The following RBMX2 variants were observed in gnomAD, a reference collection of about 807,000 sequenced individuals.
RBMX2 encodes RNA binding motif protein X-linked 2.
For missense variants in RBMX2, 191 were observed against 256.0 expected (o/e 0.75, Z 1.73); for synonymous variants, 77 against 94.3 (o/e 0.82, Z 1.07).
At position 130,413,551 on chromosome X, in the gene RBMX2, A is replaced by G. The variant is rs1405760809; in HGVS notation, c.*703A>G. ...AATGAAACCCTGTAGCCATTAAACA[A>G]GAGCTCCCCGTTTCCTCCCTCCTCC... On this transcript the variant is annotated 3_prime_UTR_variant, in exon 6 of 6. Transcript: ENST00000305536. Among the ~76,000 whole-genome samples the G allele has an allele frequency of 9.1e-6, 1 of 110,283 alleles. No homozygotes were observed. The highest frequency in any genetic ancestry group is 1.9e-5 in the Non-Finnish European group (1 of 52,866).
Position 130,411,223 on chromosome X carries a change from T to G in RBMX2, c.304-125T>G, listed in dbSNP as rs73634093. On this transcript the variant is annotated intron_variant, in intron 4 of 5. Coordinates refer to ENST00000305536, the MANE Select transcript of RBMX2 (RefSeq NM_016024.4). ...CACCAGTTGGACAGGTCTGCTTTAG[T>G]GACAGAATTTAACAAGAAGGTAAAG... 2,024 of 665,660 alleles carry G rather than the reference T, an allele frequency of 3.0e-3. 32 individuals carry two copies. The African/African-American group carries it at 0.041, about 14-fold the overall frequency. The allele number at this position is 665,660 out of a possible 1,213,427, so 54.9% of individuals were successfully genotyped here.
In RBMX2 at chrX:130,413,247, T is replaced by C; in HGVS notation, c.*399T>C. On this transcript the variant is annotated 3_prime_UTR_variant, in exon 6 of 6. Coordinates refer to ENST00000305536, the MANE Select transcript of RBMX2 (RefSeq NM_016024.4). ...GACAGCTTGATGTGAACGAATGGGA[T>C]AGGATTTTTAAAATCAGCCAGCTCC... The C allele has an allele frequency of 8.8e-6, 1 of 113,929 alleles. No individual in the cohort carries two copies. The highest frequency in any genetic ancestry group is 9.2e-5 in the Admixed American group (1 of 10,839). 9.4% of individuals were successfully genotyped at this position (113,929 alleles called of 1,213,427 possible).
intron 3 of RBMX2, among the ~76,000 whole-genome samples, chrX:130,406,963 A>G (rs1413391474): frequency 1.8e-5 from 2 of 111,222 alleles, no homozygotes; most frequent in African/African-American, 6.5e-5. Flanking sequence ...AAAATGTTTC[A>G]GACTTTGGAG....
chrX:130,403,883 A>G (rs2034469868), intron 3 of RBMX2, 30 bp downstream of exon 3: 1 of 1,176,548 alleles, frequency 8.5e-7, no homozygotes, highest in Non-Finnish European at 1.2e-6. Flanking sequence ...CTGCCTCCTG[A>G]GTCGACAGAG....
intron 3 of RBMX2, among the ~76,000 whole-genome samples, chrX:130,406,280 A>C (rs2034485491): frequency 9.0e-6 from 1 of 110,593 alleles, no homozygotes; most frequent in South Asian, 3.8e-4. Flanking sequence ...TATTTTCCTT[A>C]TTTTCTTGTT....
At chrX:130,407,993 C>A (rs1338653129) in intron 3 of RBMX2, among the ~76,000 whole-genome samples, 1 of 110,397 alleles carries the variant, frequency 9.1e-6, no homozygotes, top group African/African-American at 3.3e-5. Flanking sequence ...TTTCCTATTT[C>A]TATCTTCCTT....
At chrX:130,408,984 A>G (rs1360889984) in intron 3 of RBMX2, among the ~76,000 whole-genome samples, 4 of 111,698 alleles carry the variant, frequency 3.6e-5, no homozygotes, top group Non-Finnish European at 5.6e-5. Context: ...TTTGTTGTGT[A>G]TTTAGGCCTT....
chrX:130,402,139 G>T (rs1032692571), intron 1 of RBMX2, 102 bp downstream of exon 1: 2 of 1,160,385 alleles, frequency 1.7e-6, no homozygotes, highest in Non-Finnish European at 2.3e-6. Flanking sequence ...GGGCGGGAGC[G>T]GCGCGGGGAC....
chrX:130,405,376 C>A (rs2034478845), intron 3 of RBMX2, among the ~76,000 whole-genome samples: 1 of 105,977 alleles, frequency 9.4e-6, no homozygotes, highest in Non-Finnish European at 1.9e-5. Flanking sequence ...AAGACTCCCC[C>A]ATCTCAAAAA....
In RBMX2 at chrX:130,412,627, G is replaced by A. The variant is rs745792653; in HGVS notation, c.748G>A (p.Glu250Lys). The change falls in exon 6 of 6, where the codon GAG (glutamate) becomes AAG (lysine). Residue 250 changes from glutamate to lysine, a missense_variant. Coordinates refer to ENST00000305536, the MANE Select transcript of RBMX2 (RefSeq NM_016024.4). ...RELKKEKPKH[E>K]HKSSSRREAR... is the part of the protein sequence containing the mutation. ...GCTGAAGAAGGAGAAACCCAAGCAC[G>A]AGCACAAGTCCTCAAGCAGGAGGGA... is the stretch of plus-strand genomic sequence containing the variant. 32 of 1,206,128 alleles carry A rather than the reference G, an allele frequency of 2.7e-5. No individual in the cohort carries two copies. In the Admixed American group the frequency reaches 6.6e-4, roughly 25 times the overall value.
At chrX:130,407,357 A>G (rs1187441342) in intron 3 of RBMX2, among the ~76,000 whole-genome samples, 1 of 111,389 alleles carries the variant, frequency 9.0e-6, no homozygotes, top group East Asian at 2.8e-4. Flanking sequence ...GGCTACTGTC[A>G]TATGTAATCT....
In RBMX2 at chrX:130,403,561, C is replaced by T. The variant is rs766489839; in HGVS notation, c.122-241C>T. 2.0e-4 allele frequency among the ~76,000 whole-genome samples: 22 copies of T among 110,869 alleles called. No individual in the cohort carries two copies. In the East Asian group the frequency reaches 6.0e-3, roughly 30 times the overall value. On this transcript the variant is annotated intron_variant, in intron 2 of 5. Coordinates refer to ENST00000305536, the MANE Select transcript of RBMX2 (RefSeq NM_016024.4). ...TTTTTTTTTGTATTTTTAGTAGAGC[C>T]GGGGTTTCGCCATGTTGGACAGGCT...
At chrX:130,403,720 C>A in intron 2 of RBMX2, 82 bp from the exon 3 acceptor site, 1 of 905,871 alleles carries the variant, frequency 1.1e-6, no homozygotes, top group Non-Finnish European at 1.6e-6. Context: ...CTGTTTCCAC[C>A]CCTAGTGCCT....
chrX:130,412,476 C>T lies in RBMX2; in HGVS notation c.597C>T (p.Asp199=), dbSNP rs2034519084. Residue 199 remains aspartate, a synonymous_variant, in exon 6 of 6, where the codon GAC becomes GAT. Transcript: ENST00000305536. ...PRRKTVKEKD[D]TGPKKHSSKN... is the part of the protein sequence containing the mutation. ...GCAAGACAGTAAAGGAAAAGGATGACACTGGCCCTAAGAAGCACAGCAGCA... is the reference window on the plus strand; with the variant it reads ...GCAAGACAGTAAAGGAAAAGGATGATACTGGCCCTAAGAAGCACAGCAGCA... 1 of 1,210,358 alleles carries T rather than the reference C, an allele frequency of 8.3e-7. No homozygotes were observed. Among genetic ancestry groups the T allele is most frequent in the Non-Finnish European group, 1.1e-6 (1 of 895,129 alleles).
At chrX:130,409,212 TGCC>T (rs1260522506) in intron 3 of RBMX2, 42 bp from the exon 4 acceptor site, 2 of 1,126,035 alleles carry the variant, frequency 1.8e-6, no homozygotes, top group Admixed American at 2.5e-5. Context: ...TGCATGTTTT[TGCC>T]TTTTAAGTCA....
At chrX:130,403,543 T>C (rs374850075) in intron 2 of RBMX2, among the ~76,000 whole-genome samples, 151 of 111,250 alleles carry the variant, frequency 1.4e-3, no homozygotes, top group African/African-American at 4.8e-3. Context: ...TGATTTTTTT[T>C]TGTATTTTTA....
chrX:130,408,360 A>G (rs189587746), intron 3 of RBMX2, among the ~76,000 whole-genome samples: 3 of 112,306 alleles, frequency 2.7e-5, no homozygotes, highest in South Asian at 7.3e-4. Flanking sequence ...TTCTTCCTTT[A>G]TGTTCATCCT....
In RBMX2 at chrX:130,412,982, ATTGGG is replaced by A; in HGVS notation, c.*135_*139del. 2 of 648,851 alleles carry A rather than the reference ATTGGG, an allele frequency of 3.1e-6. No individual in the cohort carries two copies. Among genetic ancestry groups the A allele is most frequent in the Non-Finnish European group, 4.5e-6 (2 of 442,434 alleles). 53.5% of individuals were successfully genotyped at this position (648,851 alleles called of 1,213,427 possible). ...TTTAATCCCTTGACTATTTAGAGTC[ATTGGG>A]AGGGCTGCAGTTTCAACAGCTAGAT... On this transcript the variant is annotated 3_prime_UTR_variant, in exon 6 of 6. Coordinates refer to ENST00000305536, the MANE Select transcript of RBMX2 (RefSeq NM_016024.4).
chrX:130,413,046 TGTACCAGA>T lies in RBMX2; in HGVS notation c.*202_*209del. On this transcript the variant is annotated 3_prime_UTR_variant, in exon 6 of 6. Coordinates refer to ENST00000305536, the MANE Select transcript of RBMX2 (RefSeq NM_016024.4). ...TATTGTTTGCACCATCCATTGTCCC[TGTACCAGA>T]GTATGTATCCTGAACTTTGGTTCAT... The T allele has an allele frequency of 5.0e-6, 2 of 396,891 alleles. No homozygotes were observed. The highest frequency in any genetic ancestry group is 8.5e-6 in the Non-Finnish European group (2 of 236,034). 32.7% of individuals were successfully genotyped at this position (396,891 alleles called of 1,213,427 possible).
Sources: gnomAD v4.1 joint callset for allele counts (sites outside exome capture counted in the v4.1 genomes callset) on GRCh38, gnomAD v4.1.1 for gene constraint, MANE v1.5 for transcripts, NCBI Gene and HGNC (gene_info 2026-07-23, HGNC 2026-07-21) for gene names.